Variants in CNTN4 observed in about 807,000 individuals in gnomAD.
The protein encoded by CNTN4 is contactin-4.
Under a neutral mutation model 122.5 loss-of-function variants are expected in CNTN4, and 77 were observed. The ratio of observed to expected loss-of-function variants is 0.63; its 90% CI spans 0.52 to 0.76. The LOEUF is 0.76. Ranked by LOEUF, CNTN4 falls within the 30% of genes least tolerant of loss-of-function variation. The pLI is 0.00. For synonymous variants in CNTN4, 512 were observed against 447.0 expected (o/e 1.15, Z -1.83); for missense variants, 1,256 against 1,259.1 (o/e 1.00, Z 0.04).
rs528938000 is a variant in CNTN4 at position 2,866,818 on chromosome 3, A to C, written c.521A>C (p.Gln174Pro). 2 of 1,614,006 alleles carry C rather than the reference A, an allele frequency of 1.2e-6. No homozygotes were observed. Among genetic ancestry groups the C allele is most frequent in the South Asian group, 2.2e-5 (2 of 91,072 alleles). Reference sequence around the variant, plus strand: ...CAGGATAATCGCCGCTTTGTTTCTCAAGAGACTGGGAATCTGTATATTGCC... The same window carrying C: ...CAGGATAATCGCCGCTTTGTTTCTCCAGAGACTGGGAATCTGTATATTGCC... ...SYQDNRRFVSQETGNLYIAKV... is the reference protein window; with the variant it reads ...SYQDNRRFVSPETGNLYIAKV... The change falls in exon 8 of 25, where the codon CAA becomes CCA. Residue 174 changes from glutamine (Q) to proline (P), a missense_variant. Coordinates refer to ENST00000418658, the MANE Select transcript of CNTN4 (RefSeq NM_175607.3).
chr3:2,994,086 A>G (rs1229260252), intron 14 of CNTN4, among the ~76,000 whole-genome samples: 3 of 152,212 alleles, frequency 2.0e-5, no homozygotes, highest in African/African-American at 7.2e-5. Context: ...AGAAGACCCT[A>G]AAGTAAGAAG....
chr3:2,452,977 A>G (rs2048882821), intron 3 of CNTN4, among the ~76,000 whole-genome samples: 1 of 152,106 alleles, frequency 6.6e-6, no homozygotes, highest in Non-Finnish European at 1.5e-5. Flanking sequence ...GTACTTTACA[A>G]TGATTTTAAT....
chr3:2,499,359 G>C (rs1214602138), intron 3 of CNTN4, among the ~76,000 whole-genome samples: 5 of 152,120 alleles, frequency 3.3e-5, no homozygotes, highest in Non-Finnish European at 5.9e-5. Flanking sequence ...AATGGATATA[G>C]AGTTTATTTT....
intron 14 of CNTN4, among the ~76,000 whole-genome samples, chr3:3,010,465 T>TAA (rs5846237): frequency 4.8e-5 from 7 of 147,220 alleles, no homozygotes; most frequent in African/African-American, 1.2e-4. Context: ...CTTATGCCAT[T>TAA]AAAAAAAAAA....
intron 3 of CNTN4, among the ~76,000 whole-genome samples, chr3:2,478,580 G>T (rs550181777): frequency 1.3e-5 from 2 of 151,828 alleles, no homozygotes; most frequent in East Asian, 1.9e-4. Context: ...CTCTCCCTCC[G>T]CCCACACCCG....
intron 14 of CNTN4, among the ~76,000 whole-genome samples, chr3:3,001,356 A>G (rs186038913): frequency 3.9e-5 from 6 of 152,250 alleles, no homozygotes; most frequent in Non-Finnish European, 7.3e-5. Context: ...AGAATTCCTC[A>G]TTGTTTTTTC....
chr3:2,809,496 G>A (rs2092553668), intron 6 of CNTN4, among the ~76,000 whole-genome samples: 1 of 152,192 alleles, frequency 6.6e-6, no homozygotes, highest in African/African-American at 2.4e-5. Flanking sequence ...ATCCTGAAGG[G>A]CCTTTGCAGA....
chr3:2,176,919 G>A (rs2036772270), intron 2 of CNTN4, among the ~76,000 whole-genome samples: 1 of 152,060 alleles, frequency 6.6e-6, no homozygotes, highest in Admixed American at 6.5e-5. Flanking sequence ...TCAAATGGAA[G>A]TCAGGAGAAA....
intron 24 of CNTN4, among the ~76,000 whole-genome samples, chr3:3,055,171 A>T (rs1297693872): frequency 6.6e-6 from 1 of 152,196 alleles, no homozygotes; most frequent in Admixed American, 6.5e-5. Context: ...ACTTTATCAA[A>T]CAAAGCCTCT....
chr3:2,243,512 T>G (rs964107750), intron 2 of CNTN4, among the ~76,000 whole-genome samples: 13 of 148,922 alleles, frequency 8.7e-5, no homozygotes, highest in Admixed American at 2.0e-4. Context: ...TGAGATTGTT[T>G]TGTGATTTTT....
intron 6 of CNTN4, among the ~76,000 whole-genome samples, chr3:2,813,046 G>T (rs62234210): frequency 0.12 from 18,498 of 152,032 alleles, 1,210 homozygotes; most frequent in South Asian, 0.17. Context: ...TGTAAATTTC[G>T]ATTTATTTTC....
chr3:2,488,256 C>G (rs190871744), intron 3 of CNTN4, among the ~76,000 whole-genome samples: 21 of 152,286 alleles, frequency 1.4e-4, no homozygotes, highest in Non-Finnish European at 2.9e-5. Context: ...AAATAACATC[C>G]TTTTGCTCAA....
At chr3:2,729,768 G>A (rs140861195) in intron 4 of CNTN4, among the ~76,000 whole-genome samples, 2 of 151,630 alleles carry the variant, frequency 1.3e-5, no homozygotes, top group African/African-American at 2.4e-5. Flanking sequence ...AAAAAAATTA[G>A]CCAGGTGTGT....
chr3:2,954,891 T>A (rs1168365451), intron 13 of CNTN4, among the ~76,000 whole-genome samples: 2 of 152,162 alleles, frequency 1.3e-5, no homozygotes, highest in Non-Finnish European at 2.9e-5. Context: ...TATAAGATTC[T>A]GACTGTCAGA....
chr3:2,154,338 C>A (rs1057081759), intron 2 of CNTN4, among the ~76,000 whole-genome samples: 2 of 150,520 alleles, frequency 1.3e-5, no homozygotes, highest in Admixed American at 1.3e-4. Context: ...GTGAGCCAGT[C>A]GTGCCTGCAC....
intron 4 of CNTN4, among the ~76,000 whole-genome samples, chr3:2,680,884 C>G (rs944412706): frequency 6.6e-6 from 1 of 152,068 alleles, no homozygotes; most frequent in African/African-American, 2.4e-5. Flanking sequence ...CAAGTACGTT[C>G]CATTTTCTTC....
rs533521473 is a variant in CNTN4, at chr3:2,484,550, T to A, written c.-88-86866T>A. ...AGGAAATACTGGCTCCTATAGGGGA[T>A]GAGGCTTGTAAACCAGGGTGACTTC... On this transcript the variant is annotated intron_variant, in intron 3 of 24. Transcript: ENST00000418658. 4.6e-5 allele frequency among the ~76,000 whole-genome samples: 7 copies of A among 152,310 alleles called. No homozygotes were observed. In the East Asian group the frequency reaches 9.7e-4, roughly 21 times the overall value.
chr3:2,543,992 C>A (rs1468035874), intron 3 of CNTN4, among the ~76,000 whole-genome samples: 6 of 152,054 alleles, frequency 3.9e-5, no homozygotes, highest in African/African-American at 1.4e-4. Flanking sequence ...ATATATCTGT[C>A]CTCTTTTTTC....
chr3:2,647,512 A>C (rs1034123587), intron 4 of CNTN4, among the ~76,000 whole-genome samples: 2 of 152,170 alleles, frequency 1.3e-5, no homozygotes, highest in Admixed American at 1.3e-4. Context: ...TTCTCCCCTC[A>C]GATTTTTATA....
Sources: gnomAD v4.1 joint callset for allele counts (sites outside exome capture counted in the v4.1 genomes callset) on GRCh38, gnomAD v4.1.1 for gene constraint, MANE v1.5 for transcripts, NCBI Gene and HGNC (gene_info 2026-07-23, HGNC 2026-07-21) for gene names.